Variants in DOCK1 observed in about 807,000 individuals in gnomAD.
DOCK1 encodes dedicator of cytokinesis 1.
Under a neutral mutation model 262.7 loss-of-function variants are expected in DOCK1, and 138 were observed. The observed-to-expected ratio is 0.53, with a 90% CI of 0.46 to 0.61. The LOEUF (loss-of-function observed/expected upper bound fraction) is 0.61. DOCK1 is among the 20% of genes least tolerant of loss of function. The pLI, the probability that DOCK1 is intolerant of heterozygous loss-of-function variation, is 0.00. For synonymous variants in DOCK1, 866 were observed against 867.4 expected (o/e 1.00, Z 0.03); for missense variants, 1,908 against 2,370.7 (o/e 0.80, Z 4.05).
chr10:127,444,465 G>A (rs954293494), intron 50 of DOCK1, among the ~76,000 whole-genome samples, 186 bp downstream of exon 50: 4 of 152,206 alleles, frequency 2.6e-5, no homozygotes, highest in African/African-American at 9.6e-5. Context: ...CGCAAATCAG[G>A]CCAAAATCCA....
chr10:127,384,695 G>A, intron 37 of DOCK1, 95 bp from the exon 38 acceptor site: 3 of 1,370,990 alleles, frequency 2.2e-6, no homozygotes, highest in Non-Finnish European at 2.8e-6. Flanking sequence ...CTCCAGAACC[G>A]CGGCCCACAC....
chr10:127,143,690 G>C (rs2051500644), intron 27 of DOCK1, among the ~76,000 whole-genome samples: 1 of 152,188 alleles, frequency 6.6e-6, no homozygotes, highest in Non-Finnish European at 1.5e-5. Flanking sequence ...GCATTGTCCA[G>C]AGGAAACTAA....
rs555622823 is a variant in DOCK1, at chr10:127,068,761, A to G, written c.2445+6985A>G. 6.6e-5 allele frequency among the ~76,000 whole-genome samples: 10 copies of G among 152,362 alleles called. No homozygotes were observed. The South Asian group carries it at 1.2e-3, about 19-fold the overall frequency. Reference sequence around the variant, plus strand: ...CACCCACACCTATATATACACACATATAAATGTAACATATGTATAGTATAA... The same window carrying G: ...CACCCACACCTATATATACACACATGTAAATGTAACATATGTATAGTATAA... On this transcript the variant is annotated intron_variant, in intron 23 of 51. Coordinates refer to ENST00000623213, the MANE Select transcript of DOCK1 (RefSeq NM_001290223.2).
intron 27 of DOCK1, among the ~76,000 whole-genome samples, chr10:127,240,233 C>T (rs1194497553): frequency 1.4e-5 from 2 of 147,630 alleles, no homozygotes; most frequent in Admixed American, 1.4e-4. Flanking sequence ...TAAAAGATGA[C>T]ATTAGTGTAA....
At chr10:127,407,195 C>T (rs1320483188) in intron 40 of DOCK1, among the ~76,000 whole-genome samples, 3 of 152,064 alleles carry the variant, frequency 2.0e-5, no homozygotes, top group Non-Finnish European at 4.4e-5. Context: ...CTGTCTTAGT[C>T]CACTGGGGCT....
At chr10:127,076,230 G>A (rs1181689914) in intron 23 of DOCK1, among the ~76,000 whole-genome samples, 4 of 152,224 alleles carry the variant, frequency 2.6e-5, no homozygotes, top group African/African-American at 7.2e-5. Context: ...GGCCAGGCAC[G>A]GTGGCTCGTG....
At chr10:127,019,545 G>C (rs1441425084) in intron 13 of DOCK1, among the ~76,000 whole-genome samples, 1 of 151,590 alleles carries the variant, frequency 6.6e-6, no homozygotes, top group Admixed American at 6.6e-5. Flanking sequence ...ACTCGGGTTC[G>C]AGACCACCCT....
At chr10:126,925,528 C>T (rs1162160823) in intron 1 of DOCK1, among the ~76,000 whole-genome samples, 7 of 152,130 alleles carry the variant, frequency 4.6e-5, no homozygotes, top group African/African-American at 1.2e-4. Flanking sequence ...GGATTACAGG[C>T]GCCCACCACC....
chr10:127,205,646 G>A lies in DOCK1; in HGVS notation c.2848-42362G>A, dbSNP rs576994122. ...TTCCTTGTTGGACTTTTGCTTCTTCGATGACAATACATATTTTGTTAGTAT... is the reference window on the plus strand; with the variant it reads ...TTCCTTGTTGGACTTTTGCTTCTTCAATGACAATACATATTTTGTTAGTAT... On this transcript the variant is annotated intron_variant, in intron 27 of 51. Coordinates refer to ENST00000623213, the MANE Select transcript of DOCK1 (RefSeq NM_001290223.2). Among the ~76,000 whole-genome samples, 47 of 152,276 alleles carry A rather than the reference G, an allele frequency of 3.1e-4. 1 individual carries two copies. The South Asian group carries it at 7.9e-3, about 26-fold the overall frequency.
intron 25 of DOCK1, among the ~76,000 whole-genome samples, chr10:127,118,636 T>C (rs2049336269): frequency 6.6e-6 from 1 of 152,244 alleles, no homozygotes; most frequent in South Asian, 2.1e-4. Flanking sequence ...CCCTTTTACT[T>C]GCTCTGTCAC....
intron 27 of DOCK1, among the ~76,000 whole-genome samples, chr10:127,223,695 A>G (rs888105135): frequency 1.3e-5 from 2 of 152,248 alleles, no homozygotes; most frequent in South Asian, 2.1e-4. Flanking sequence ...CAGAGAAGAC[A>G]TCAAGCATCA....
rs560104150 is a variant in DOCK1 at position 127,008,415 on chromosome 10, G to A, written c.986-317G>A. ...GCCTGGCCTATGCTTTCACATTTTC[G>A]TTGCTTGTTGTTAATGGAACATTTT... On this transcript the variant is annotated intron_variant, in intron 10 of 51. Coordinates refer to ENST00000623213, the MANE Select transcript of DOCK1 (RefSeq NM_001290223.2). 5.3e-5 allele frequency among the ~76,000 whole-genome samples: 8 copies of A among 152,218 alleles called. No individual in the cohort carries two copies. In the East Asian group the frequency reaches 5.8e-4, roughly 11 times the overall value.
rs556032092 is a variant in DOCK1, at chr10:127,071,097, C to T, written c.2445+9321C>T. On this transcript the variant is annotated intron_variant, in intron 23 of 51. Coordinates refer to ENST00000623213, the MANE Select transcript of DOCK1 (RefSeq NM_001290223.2). Reference sequence around the variant, plus strand: ...AAGAAAGACTCAGCAGAAGAAGGAACGAGGGAAGTGAAGAAAATATTTTAT... The same window carrying T: ...AAGAAAGACTCAGCAGAAGAAGGAATGAGGGAAGTGAAGAAAATATTTTAT... Among the ~76,000 whole-genome samples, 34 of 152,178 alleles carry T rather than the reference C, an allele frequency of 2.2e-4. No homozygotes were observed. In the East Asian group the frequency reaches 5.2e-3, roughly 23 times the overall value.
rs1039642840 is a variant in DOCK1 at position 126,939,372 on chromosome 10, C to T, written c.47-31330C>T. ...ATTTTGAAATCAGGAAGTGCAAGTC[C>T]GCTAGCTTTGTTCTTTTTCAAGATT... On this transcript the variant is annotated intron_variant, in intron 1 of 51. Transcript: ENST00000623213. Among the ~76,000 whole-genome samples the T allele has an allele frequency of 4.4e-4, 67 of 152,092 alleles. 1 individual carries two copies. Among genetic ancestry groups the T allele is most frequent in the South Asian group, 2.1e-4 (1 of 4,826 alleles).
intron 29 of DOCK1, among the ~76,000 whole-genome samples, chr10:127,317,562 G>A (rs181981441): frequency 8.5e-5 from 13 of 152,274 alleles, no homozygotes; most frequent in Non-Finnish European, 1.3e-4. Context: ...CACAGTGTCC[G>A]GAGTCAGGAG....
intron 29 of DOCK1, among the ~76,000 whole-genome samples, chr10:127,318,233 A>G (rs1564987979): frequency 6.6e-6 from 1 of 152,198 alleles, no homozygotes; most frequent in Non-Finnish European, 1.5e-5. Context: ...GCAGAGTGCT[A>G]GAAGACGGGA....
intron 27 of DOCK1, among the ~76,000 whole-genome samples, chr10:127,204,339 T>G (rs2057615312): frequency 6.6e-6 from 1 of 152,168 alleles, no homozygotes; most frequent in Admixed American, 6.5e-5. Context: ...CAGGCTGGAG[T>G]GCAGTGATGT....
intron 16 of DOCK1, among the ~76,000 whole-genome samples, chr10:127,028,997 T>C (rs746419158): frequency 6.6e-6 from 1 of 152,190 alleles, no homozygotes; most frequent in Non-Finnish European, 1.5e-5. Context: ...GCTCCCGTCT[T>C]TTAACAAGCT....
chr10:126,970,021 G>A (rs968034607), intron 1 of DOCK1, among the ~76,000 whole-genome samples: 1 of 152,104 alleles, frequency 6.6e-6, no homozygotes, highest in Non-Finnish European at 1.5e-5. Flanking sequence ...GAGTGGGCTA[G>A]TTGAATACTT....
Sources: gnomAD v4.1 joint callset for allele counts (sites outside exome capture counted in the v4.1 genomes callset) on GRCh38, gnomAD v4.1.1 for gene constraint, MANE v1.5 for transcripts, NCBI Gene and HGNC (gene_info 2026-07-23, HGNC 2026-07-21) for gene names.